Variants in FBXO6 observed in about 807,000 individuals in gnomAD.
FBXO6 encodes F-box protein 6.
FBXO6 carries 13 observed loss-of-function variants against 25.0 expected under a neutral mutation model. The observed-to-expected ratio is 0.52, with a 90% CI of 0.34 to 0.83. The LOEUF is 0.83. Ranked by LOEUF, FBXO6 falls within the 40% of genes least tolerant of loss-of-function variation. The pLI is 0.02. For missense variants in FBXO6, 370 were observed against 380.2 expected, an observed-to-expected ratio of 0.97 and a Z score of 0.22; for synonymous variants, 138 against 155.3, an observed-to-expected ratio of 0.89 and a Z score of 0.83.
chr1:11,673,706 A>G lies in FBXO6; in HGVS notation c.737A>G (p.Tyr246Cys), dbSNP rs538279975. The G allele has an allele frequency of 3.7e-6, 6 of 1,613,962 alleles. No homozygotes were observed. Among genetic ancestry groups the G allele is most frequent in the South Asian group, 3.3e-5 (3 of 91,078 alleles). The change falls in exon 6 of 6, where the codon TAT (tyrosine) becomes TGT (cysteine). Residue 246 changes from tyrosine (Y) to cysteine (C), a missense_variant. Transcript: ENST00000376753. The surrounding 1 kb of genome is among the most constrained non-coding windows in gnomAD (Gnocchi z 4.3). ...GRDTQYWAGWYGPRVTNSSIV... is the reference protein window; with the variant it reads ...GRDTQYWAGWCGPRVTNSSIV... The stretch of plus-strand genomic sequence containing the variant: ...GACACCCAGTACTGGGCAGGCTGGT[A>G]TGGGCCCCGAGTCACCAACAGCAGC...
Position 11,668,736 on chromosome 1 carries a change from G to A in FBXO6, c.78G>A (p.Thr26=), listed in dbSNP as rs144734810. 2.9e-5 allele frequency: 47 copies of A among 1,613,990 alleles called. No homozygotes were observed. The highest frequency in any genetic ancestry group is 1.8e-4 in the Admixed American group (11 of 60,026). Residue 26 remains threonine, a synonymous_variant, in exon 2 of 6, where the codon ACG becomes ACA. Coordinates refer to ENST00000376753, the MANE Select transcript of FBXO6 (RefSeq NM_018438.6). ...AGAACATCCTGCTGGAGCTGTTCAC[G>A]CACGTGCCCGCCCGCCAGCTGCTGC... ...LPENILLELF[T]HVPARQLLLN...
At chr1:11,666,985 A>G (rs1448709145) in intron 1 of FBXO6, among the ~76,000 whole-genome samples, 1 of 152,048 alleles carries the variant, frequency 6.6e-6, no homozygotes, top group Non-Finnish European at 1.5e-5. Flanking sequence ...TGTCTCTACT[A>G]AAAATACAAA....
In FBXO6 at chr1:11,673,873, G is replaced by A. The variant is rs758508571; in HGVS notation, c.*22G>A. Reference sequence around the variant, plus strand: ...CTGACAGCTGTCCATCCTGTGTCTGGGTCAGCCAGAGGTTCCTCCAGGCAG... The same window carrying A: ...CTGACAGCTGTCCATCCTGTGTCTGAGTCAGCCAGAGGTTCCTCCAGGCAG... On this transcript the variant is annotated 3_prime_UTR_variant, in exon 6 of 6. Transcript: ENST00000376753. The surrounding 1 kb of genome is among the most constrained non-coding windows in gnomAD (Gnocchi z 4.3). 16 of 1,611,260 alleles carry A rather than the reference G, an allele frequency of 9.9e-6. No individual in the cohort carries two copies. The highest frequency in any genetic ancestry group is 1.2e-5 in the Non-Finnish European group (14 of 1,177,658).
In FBXO6 at chr1:11,671,976, G is replaced by C. The variant is rs193145305; in HGVS notation, c.462G>C (p.Trp154Cys). The C allele has an allele frequency of 1.1e-4, 176 of 1,614,212 alleles. 3 individuals carry two copies. The East Asian group carries it at 2.9e-3, about 27-fold the overall frequency. Residue 154 changes from tryptophan to cysteine, a missense_variant, in exon 4 of 6, where the codon TGG becomes TGC. Coordinates refer to ENST00000376753, the MANE Select transcript of FBXO6 (RefSeq NM_018438.6). ...QLVDLVAEGY[W>C]EELLDTFRPD... ...TGGACCTTGTAGCCGAGGGCTACTG[G>C]GAGGAGCTACTAGACACATTCCGGC...
At chr1:11,665,328 C>A (rs916565656) in intron 1 of FBXO6, among the ~76,000 whole-genome samples, 2 of 140,134 alleles carry the variant, frequency 1.4e-5, no homozygotes, top group Non-Finnish European at 3.0e-5. Flanking sequence ...GGGTTCAGGC[C>A]GTCCTCCTGC....
At chr1:11,665,491 G>A (rs552809341) in intron 1 of FBXO6, among the ~76,000 whole-genome samples, 155 of 148,752 alleles carry the variant, frequency 1.0e-3, no homozygotes, top group Non-Finnish European at 2.0e-3. Flanking sequence ...TCCTAACCTC[G>A]TGATCCGCCC....
At chr1:11,669,336 G>C (rs1392125215) in intron 2 of FBXO6, among the ~76,000 whole-genome samples, 1 of 152,104 alleles carries the variant, frequency 6.6e-6, no homozygotes, top group African/African-American at 2.4e-5. Context: ...GCTGGCCCAC[G>C]CCTACAATTC....
In FBXO6 at chr1:11,668,771, G is replaced by A. The variant is rs141311977; in HGVS notation, c.113G>A (p.Arg38His). The A allele has an allele frequency of 3.9e-4, 635 of 1,613,970 alleles. 1 individual carries two copies. Among genetic ancestry groups the A allele is most frequent in the Non-Finnish European group, 4.7e-4 (556 of 1,180,016 alleles). ...VPARQLLLNC[R>H]LVCSLWRDLI... is the part of the protein sequence containing the mutation. ...GCCCGCCAGCTGCTGCTGAACTGCC[G>A]CCTGGTCTGCAGCCTCTGGCGGGAC... The change falls in exon 2 of 6, where the codon CGC (arginine) becomes CAC (histidine). Residue 38 changes from arginine (R) to histidine (H), a missense_variant. Coordinates refer to ENST00000376753, the MANE Select transcript of FBXO6 (RefSeq NM_018438.6).
At chr1:11,667,019 C>T (rs1640457539) in intron 1 of FBXO6, among the ~76,000 whole-genome samples, 2 of 152,086 alleles carry the variant, frequency 1.3e-5, no homozygotes, top group South Asian at 4.2e-4. Context: ...TGGTGGCGGG[C>T]ACCTGTAATC....
intron 1 of FBXO6, among the ~76,000 whole-genome samples, chr1:11,665,693 T>C (rs982225939): frequency 1.2e-4 from 18 of 151,156 alleles, no homozygotes; most frequent in African/African-American, 4.2e-4. Flanking sequence ...CCCGAGTAGC[T>C]GGGACTACAG....
At chr1:11,672,526 G>C (rs1044593128) in intron 4 of FBXO6, among the ~76,000 whole-genome samples, 2 of 152,144 alleles carry the variant, frequency 1.3e-5, no homozygotes, top group African/African-American at 4.8e-5. Flanking sequence ...CTGACCTCAA[G>C]TGATCCACCC....
At chr1:11,666,322 T>G (rs1382547491) in intron 1 of FBXO6, among the ~76,000 whole-genome samples, 1 of 151,850 alleles carries the variant, frequency 6.6e-6, no homozygotes, top group Non-Finnish European at 1.5e-5. Flanking sequence ...GGCGAATTTT[T>G]TCACTATTTA....
chr1:11,664,527 G>C (rs1033846816), intron 1 of FBXO6: 1 of 32,090 alleles, frequency 3.1e-5, no homozygotes, highest in South Asian at 8.1e-4. Flanking sequence ...GGCCAGGGGT[G>C]GGGGGCGCGG....
chr1:11,665,098 G>T lies in FBXO6; in HGVS notation c.-4+843G>T, dbSNP rs372227033. Among the ~76,000 whole-genome samples, 21 of 152,164 alleles carry T rather than the reference G, an allele frequency of 1.4e-4. 3 individuals carry two copies. The highest frequency in any genetic ancestry group is 1.9e-4 in the East Asian group (1 of 5,180). On this transcript the variant is annotated intron_variant, in intron 1 of 5. Coordinates refer to ENST00000376753, the MANE Select transcript of FBXO6 (RefSeq NM_018438.6). ...CTTGCTCTGTCACCCAGGCTGGAGTGCAGTGGCATGATCACGGCTCACTGC... is the reference window on the plus strand; with the variant it reads ...CTTGCTCTGTCACCCAGGCTGGAGTTCAGTGGCATGATCACGGCTCACTGC...
In FBXO6 at chr1:11,671,870, A is replaced by AG. The variant is rs3215521; in HGVS notation, c.414-49dup. 1.8e-3 allele frequency: 2,625 copies of AG among 1,425,376 alleles called. 2 individuals carry two copies. Among genetic ancestry groups the AG allele is most frequent in the South Asian group, 2.5e-3 (213 of 86,014 alleles). 88.3% of individuals were successfully genotyped at this position (1,425,376 alleles called of 1,614,324 possible). ...CACAGGGGCTGCCAAGGCCTGGGTG[A>AG]GGGGGGGGGCCATGCAGAGCACACC... On this transcript the variant is annotated intron_variant, in intron 3 of 5. Transcript: ENST00000376753.
chr1:11,673,613 A>T lies in FBXO6; in HGVS notation c.646-2A>T. 1 of 1,611,504 alleles carries T rather than the reference A, an allele frequency of 6.2e-7. No individual in the cohort carries two copies. The highest frequency in any genetic ancestry group is 8.5e-7 in the Non-Finnish European group (1 of 1,178,252). ...TCACTTCCTCTCCCTTCCTCCCAAC[A>T]GGTCTCCTACACCTTCTCAGACTAC... On this transcript the variant is annotated splice_acceptor_variant, in intron 5 of 5. Coordinates refer to ENST00000376753, the MANE Select transcript of FBXO6 (RefSeq NM_018438.6). LOFTEE classifies it high-confidence loss of function. The surrounding 1 kb of genome is among the most constrained non-coding windows in gnomAD (Gnocchi z 4.3).
intron 1 of FBXO6, among the ~76,000 whole-genome samples, chr1:11,665,571 T>TTTTTTTTG: frequency 1.0e-5 from 1 of 100,356 alleles, no homozygotes; most frequent in African/African-American, 5.0e-5. Context: ...TTTTTTTTTT[T>TTTTTTTTG]TTTTTTTGAG....
At position 11,668,785 on chromosome 1, in the gene FBXO6, C is replaced by T. The variant is rs767214127; in HGVS notation, c.127C>T (p.Leu43Phe). The change falls in exon 2 of 6, where the codon CTC becomes TTC. Residue 43 changes from leucine (L) to phenylalanine (F), a missense_variant. By Grantham distance (22) the Leu-to-Phe change is conservative. Transcript: ENST00000376753. ...GCTGAACTGCCGCCTGGTCTGCAGCCTCTGGCGGGACCTCATCGACCTCAT... is the reference window on the plus strand; with the variant it reads ...GCTGAACTGCCGCCTGGTCTGCAGCTTCTGGCGGGACCTCATCGACCTCAT... ...LLLNCRLVCSLWRDLIDLMTL... is the reference protein window; with the variant it reads ...LLLNCRLVCSFWRDLIDLMTL... The T allele has an allele frequency of 1.9e-6, 3 of 1,614,126 alleles. No individual in the cohort carries two copies. Among genetic ancestry groups the T allele is most frequent in the South Asian group, 2.2e-5 (2 of 91,086 alleles).
intron 1 of FBXO6, among the ~76,000 whole-genome samples, chr1:11,665,215 CTTTTTTTT>C (rs541103021): frequency 1.4e-3 from 85 of 61,588 alleles, no homozygotes; most frequent in Admixed American, 1.8e-3. Flanking sequence ...TAGCTAATTT[CTTTTTTTT>C]TTTTTTTTTT....
Sources: allele counts gnomAD v4.1 joint callset (sites outside exome capture counted in the v4.1 genomes callset), GRCh38; gene constraint gnomAD v4.1.1; non-coding constraint Gnocchi (gnomAD v3.1); transcripts MANE v1.5; gene names NCBI Gene and HGNC (gene_info 2026-07-23, HGNC 2026-07-21).